The following PTPN13 variants were observed in gnomAD, a reference collection of about 807,000 sequenced individuals.
The protein encoded by PTPN13 is tyrosine-protein phosphatase non-receptor type 13.
In PTPN13, 191 loss-of-function variants were observed where a neutral mutation model predicts 284.0. That is an observed-to-expected ratio of 0.67 (90% CI 0.60 to 0.76). PTPN13 has a LOEUF of 0.76. Among genes scored for constraint, PTPN13 ranks in the 30% least tolerant of loss-of-function variants. The pLI, the probability that PTPN13 is intolerant of heterozygous loss-of-function variation, is 0.00. For missense variants in PTPN13, 2,797 were observed against 2,939.9 expected (o/e 0.95, Z 1.12); for synonymous variants, 986 against 1,022.3 (o/e 0.96, Z 0.68).
At chr4:86,639,935 A>G (rs1316492395) in intron 2 of PTPN13, among the ~76,000 whole-genome samples, 3 of 152,186 alleles carry the variant, frequency 2.0e-5, no homozygotes, top group Non-Finnish European at 2.9e-5. Flanking sequence ...GGACATTGTG[A>G]TGCATGCTAA....
At chr4:86,634,991 G>A (rs771180793) in intron 1 of PTPN13, among the ~76,000 whole-genome samples, 2 of 152,060 alleles carry the variant, frequency 1.3e-5, no homozygotes, top group Non-Finnish European at 2.9e-5. Context: ...TCCTTTTTCC[G>A]TAAAGCAGTC....
intron 10 of PTPN13, among the ~76,000 whole-genome samples, chr4:86,729,636 A>C (rs1734716407): frequency 6.7e-6 from 1 of 149,598 alleles, no homozygotes; most frequent in Admixed American, 6.7e-5. Context: ...CAAATCAGCT[A>C]TTGAAACTTG....
chr4:86,769,996 C>T lies in PTPN13; in HGVS notation c.4704+13C>T, dbSNP rs1414490049. 2 of 1,613,224 alleles carry T rather than the reference C, an allele frequency of 1.2e-6. No individual in the cohort carries two copies. Among genetic ancestry groups the T allele is most frequent in the African/African-American group, 1.3e-5 (1 of 74,874 alleles). ...ACTATCTCAGCAGGTGAGCCCCTAG[C>T]ATGTGGAGTATAGCATTTTTAATGA... On this transcript the variant is annotated intron_variant, in intron 29 of 47. Coordinates refer to ENST00000411767, the MANE Select transcript of PTPN13 (RefSeq NM_080683.3).
At chr4:86,808,676 G>A (rs961281573) in intron 45 of PTPN13, among the ~76,000 whole-genome samples, 27 of 152,162 alleles carry the variant, frequency 1.8e-4, no homozygotes, top group African/African-American at 6.0e-4. Flanking sequence ...TATTACTTAG[G>A]CTAGCACAGT....
chr4:86,642,116 G>A (rs929804240), intron 2 of PTPN13, among the ~76,000 whole-genome samples: 1 of 152,008 alleles, frequency 6.6e-6, no homozygotes, highest in African/African-American at 2.4e-5. Flanking sequence ...CTTTCTACAA[G>A]TCATTGCAAT....
intron 1 of PTPN13, among the ~76,000 whole-genome samples, chr4:86,598,113 A>C (rs1456084760): frequency 1.3e-5 from 2 of 151,724 alleles, no homozygotes; most frequent in African/African-American, 4.8e-5. Context: ...TAATAATTTA[A>C]TAATATATAC....
chr4:86,619,283 C>G (rs564786642), intron 1 of PTPN13, among the ~76,000 whole-genome samples: 12 of 152,180 alleles, frequency 7.9e-5, no homozygotes, highest in Admixed American at 1.3e-4. Flanking sequence ...GCCCAAATAA[C>G]TTCTCAAATC....
In PTPN13 at chr4:86,732,181, C is replaced by G. The variant is rs554393834; in HGVS notation, c.1609-219C>G. ...AGTAGAAAACAAAGATGGGGAACAA[C>G]TTGTTTCAACTTAATGTAAGGCATA... is the stretch of plus-strand genomic sequence containing the variant. On this transcript the variant is annotated intron_variant, in intron 10 of 47. Coordinates refer to ENST00000411767, the MANE Select transcript of PTPN13 (RefSeq NM_080683.3). Among the ~76,000 whole-genome samples the G allele has an allele frequency of 1.4e-3, 213 of 152,246 alleles. 2 individuals carry two copies. Among genetic ancestry groups the G allele is most frequent in the African/African-American group, 4.9e-3 (203 of 41,560 alleles).
chr4:86,678,727 A>G (rs1004994572), intron 3 of PTPN13, among the ~76,000 whole-genome samples: 2 of 151,988 alleles, frequency 1.3e-5, no homozygotes, highest in South Asian at 4.1e-4. Flanking sequence ...GTCATTCTTA[A>G]TTTTTCATTC....
chr4:86,708,630 C>T (rs1213135567), intron 7 of PTPN13, among the ~76,000 whole-genome samples: 2 of 152,030 alleles, frequency 1.3e-5, no homozygotes, highest in Non-Finnish European at 1.5e-5. Context: ...TAAGAAAGAT[C>T]GAAAATGGAT....
At chr4:86,683,319 G>A (rs1166161413) in intron 3 of PTPN13, among the ~76,000 whole-genome samples, 1 of 152,198 alleles carries the variant, frequency 6.6e-6, no homozygotes, top group African/African-American at 2.4e-5. Context: ...GAAGGTCAGA[G>A]AAACAGTAGA....
chr4:86,773,683 T>TAA (rs1740263296), intron 32 of PTPN13, among the ~76,000 whole-genome samples: 1 of 150,946 alleles, frequency 6.6e-6, no homozygotes, highest in Non-Finnish European at 1.5e-5. Flanking sequence ...GGAGCTAAAT[T>TAA]TCCAGTTACC....
chr4:86,727,644 G>C lies in PTPN13; in HGVS notation c.1609-4756G>C, dbSNP rs1173833330. Reference sequence around the variant, plus strand: ...CTCTGATGGTAGTTTGTATTTCTGTGGGATCGATGTTGATATCCCCTTTAT... The same window carrying C: ...CTCTGATGGTAGTTTGTATTTCTGTCGGATCGATGTTGATATCCCCTTTAT... On this transcript the variant is annotated intron_variant, in intron 10 of 47. Transcript: ENST00000411767. 2.0e-5 allele frequency among the ~76,000 whole-genome samples: 3 copies of C among 149,228 alleles called. 1 individual carries two copies. The highest frequency in any genetic ancestry group is 4.5e-5 in the Non-Finnish European group (3 of 66,520).
intron 27 of PTPN13, among the ~76,000 whole-genome samples, chr4:86,767,099 T>G (rs1739414916): frequency 1.3e-5 from 2 of 152,000 alleles, no homozygotes; most frequent in African/African-American, 4.8e-5. Flanking sequence ...TATTTTTTAT[T>G]TCTTGTAGAG....
chr4:86,633,731 C>G (rs1166286679), intron 1 of PTPN13, among the ~76,000 whole-genome samples: 1 of 152,134 alleles, frequency 6.6e-6, no homozygotes, highest in Non-Finnish European at 1.5e-5. Flanking sequence ...GTTGAAACTT[C>G]CAATTTATCA....
At chr4:86,613,633 C>CAAAAAA (rs544971012) in intron 1 of PTPN13, among the ~76,000 whole-genome samples, 5 of 61,540 alleles carry the variant, frequency 8.1e-5, no homozygotes, top group Admixed American at 3.2e-4. Flanking sequence ...GACTCCGTCT[C>CAAAAAA]AAAAAAAAAA....
intron 3 of PTPN13, among the ~76,000 whole-genome samples, chr4:86,676,161 G>A (rs921339445): frequency 2.6e-5 from 4 of 152,122 alleles, no homozygotes; most frequent in African/African-American, 7.2e-5. Flanking sequence ...TCTCTGTCCC[G>A]TTTTCATTCA....
intron 2 of PTPN13, among the ~76,000 whole-genome samples, chr4:86,649,996 T>C (rs935991368): frequency 3.3e-5 from 5 of 152,174 alleles, no homozygotes; most frequent in African/African-American, 1.2e-4. Flanking sequence ...TTTGTTTTGT[T>C]TTGTTTTGTG....
chr4:86,612,037 G>C (rs977001172), intron 1 of PTPN13, among the ~76,000 whole-genome samples: 5 of 152,266 alleles, frequency 3.3e-5, no homozygotes, highest in African/African-American at 1.2e-4. Flanking sequence ...AGAATCTTAC[G>C]CAGTAGTGAG....
Sources: allele counts gnomAD v4.1 joint callset (sites outside exome capture counted in the v4.1 genomes callset), GRCh38; gene constraint gnomAD v4.1.1; transcripts MANE v1.5; gene names NCBI Gene and HGNC (gene_info 2026-07-23, HGNC 2026-07-21).